Variants in MYRFL observed in about 807,000 individuals in gnomAD.
The protein encoded by MYRFL is myelin regulatory factor like.
Under a neutral mutation model 109.4 loss-of-function variants are expected in MYRFL, and 88 were observed. That is an observed-to-expected ratio of 0.80 (90% confidence interval 0.68 to 0.96). The LOEUF is 0.96. Among genes scored for constraint, MYRFL ranks in the 40% least tolerant of loss-of-function variants. The pLI, the probability that MYRFL is intolerant of heterozygous loss-of-function variation, is 0.00. For synonymous variants in MYRFL, 324 were observed against 320.9 expected (o/e 1.01, Z -0.10); for missense variants, 957 against 954.9 (o/e 1.00, Z -0.03).
intron 9 of MYRFL, 32 bp downstream of exon 9, chr12:69,895,513 G>T (rs1245663456): frequency 5.3e-6 from 8 of 1,517,780 alleles, no homozygotes; most frequent in Non-Finnish European, 7.1e-6. Context: ...TGGCAGTGTG[G>T]CTGGGTACTT....
intron 2 of MYRFL, among the ~76,000 whole-genome samples, chr12:69,857,621 A>G (rs1343574571): frequency 1.3e-5 from 2 of 151,478 alleles, no homozygotes; most frequent in African/African-American, 4.8e-5. Context: ...TAAATATTTC[A>G]TGTTCTTCTT....
intron 2 of MYRFL, among the ~76,000 whole-genome samples, chr12:69,877,023 C>CTTT (rs113649427): frequency 1.6e-5 from 2 of 128,922 alleles, no homozygotes; most frequent in African/African-American, 6.0e-5. Flanking sequence ...TTCTTTCTTT[C>CTTT]TTTTTTTTTT....
intron 1 of MYRFL, among the ~76,000 whole-genome samples, chr12:69,838,045 C>A (rs77316536): frequency 5.8e-4 from 88 of 152,304 alleles, no homozygotes; most frequent in African/African-American, 2.1e-3. Context: ...TATCCTGCAA[C>A]TGGCTAAAGA....
At chr12:69,851,105 A>T (rs1269702807) in intron 1 of MYRFL, among the ~76,000 whole-genome samples, 1 of 152,246 alleles carries the variant, frequency 6.6e-6, no homozygotes, top group South Asian at 2.1e-4. Flanking sequence ...TAACCATAAG[A>T]TAATAGGAGG....
chr12:69,831,357 ATAT>A (rs1882622249), intron 1 of MYRFL, among the ~76,000 whole-genome samples: 2 of 152,302 alleles, frequency 1.3e-5, no homozygotes, highest in African/African-American at 4.8e-5. Context: ...AAAACCTAAA[ATAT>A]TATCTGGCTC....
At position 69,904,080 on chromosome 12, in the gene MYRFL, A is replaced by G. The variant is rs1018835652; in HGVS notation, c.1383+236A>G. On this transcript the variant is annotated intron_variant, in intron 11 of 24. Transcript: ENST00000552032. ...GACAGGAGCAGTGGGCAAAGACAGC[A>G]TGTCATTGGCCTCACAGGCAGCAAG... 5 of 430,452 alleles carry G rather than the reference A, an allele frequency of 1.2e-5. No homozygotes were observed. In the Admixed American group the frequency reaches 1.9e-4, roughly 17 times the overall value. The allele number at this position is 430,452 out of a possible 1,614,324, so 26.7% of individuals were successfully genotyped here. A position where few individuals can be genotyped will look rare whatever the true frequency, so the allele number is the denominator to read the frequency against.
chr12:69,829,024 C>T (rs74101345), intron 1 of MYRFL, among the ~76,000 whole-genome samples: 2,233 of 152,034 alleles, frequency 0.015, 53 homozygotes, highest in African/African-American at 0.051. Flanking sequence ...CCAGATTGAG[C>T]AGAGTGGGGA....
At chr12:69,865,878 T>C (rs1884989590) in intron 2 of MYRFL, among the ~76,000 whole-genome samples, 1 of 152,222 alleles carries the variant, frequency 6.6e-6, no homozygotes, top group Non-Finnish European at 1.5e-5. Context: ...TTACTATTGC[T>C]GAGCATTTAC....
Position 69,910,991 on chromosome 12 carries a change from G to T in MYRFL, c.1602+61G>T, listed in dbSNP as rs1299734669. ...TCAGTCTAGGGATAAACCCCCTTCT[G>T]TGATAGCACAATGGGCTGAAACATC... is the stretch of plus-strand genomic sequence containing the variant. On this transcript the variant is annotated intron_variant, in intron 13 of 24. Transcript: ENST00000552032. 5 of 1,182,146 alleles carry T rather than the reference G, an allele frequency of 4.2e-6. No individual in the cohort carries two copies. In the South Asian group the frequency reaches 5.4e-5, roughly 13 times the overall value. 73.2% of individuals were successfully genotyped at this position (1,182,146 alleles called of 1,614,324 possible).
chr12:69,875,934 G>C (rs1375867482), intron 2 of MYRFL, among the ~76,000 whole-genome samples: 2 of 152,142 alleles, frequency 1.3e-5, no homozygotes, highest in Non-Finnish European at 2.9e-5. Context: ...TGTTTTAGTA[G>C]TCAATCACTT....
At chr12:69,871,764 A>AT (rs368615573) in intron 2 of MYRFL, among the ~76,000 whole-genome samples, 216 of 149,394 alleles carry the variant, frequency 1.4e-3, no homozygotes, top group Admixed American at 4.0e-3. Context: ...TATAATTTTC[A>AT]TTTTTTTTTG....
chr12:69,891,303 G>T (rs1886784902), intron 7 of MYRFL, 137 bp downstream of exon 7: 3 of 622,666 alleles, frequency 4.8e-6, no homozygotes, highest in Admixed American at 7.5e-5. Context: ...CTGCAACTGG[G>T]TCAGCGTGTG....
chr12:69,938,962 C>T (rs1955553147), intron 19 of MYRFL, among the ~76,000 whole-genome samples: 1 of 152,184 alleles, frequency 6.6e-6, no homozygotes, highest in Non-Finnish European at 1.5e-5. Flanking sequence ...GTCACTCCCA[C>T]CCGAATACTG....
At chr12:69,933,094 T>C (rs1056550931) in intron 16 of MYRFL, among the ~76,000 whole-genome samples, 1 of 152,212 alleles carries the variant, frequency 6.6e-6, no homozygotes, top group African/African-American at 2.4e-5. Context: ...AGATATACCA[T>C]GTGATGGAAT....
chr12:69,935,412 CTAAG>C (rs569982602), intron 16 of MYRFL, among the ~76,000 whole-genome samples: 1 of 152,148 alleles, frequency 6.6e-6, no homozygotes, highest in Non-Finnish European at 1.5e-5. Flanking sequence ...GAGGAGAACA[CTAAG>C]TATTTGGATG....
In MYRFL at chr12:69,879,397, C is replaced by CA; in HGVS notation, c.408_409insA (p.Ser137IlefsTer53). 1 of 702,916 alleles carries CA rather than the reference C, an allele frequency of 1.4e-6. No homozygotes were observed. The highest frequency in any genetic ancestry group is 2.6e-6 in the Non-Finnish European group (1 of 384,852). 43.5% of individuals were successfully genotyped at this position (702,916 alleles called of 1,614,324 possible). A position where few individuals can be genotyped will look rare whatever the true frequency, so the allele number is the denominator to read the frequency against. Reference sequence around the variant, plus strand: ...CCACCCCCCTGGACCAATCCGTGTCCTCCCATCTGGGGATAGGTTGTTCTT... The same window carrying CA: ...CCACCCCCCTGGACCAATCCGTGTCCATCCCATCTGGGGATAGGTTGTTCTT... On this transcript the variant is annotated frameshift_variant, in exon 4 of 25. Coordinates refer to ENST00000552032, the MANE Select transcript of MYRFL (RefSeq NM_182530.3). LOFTEE classifies it high-confidence loss of function.
intron 5 of MYRFL, among the ~76,000 whole-genome samples, chr12:69,880,958 T>TG (rs1448516212): frequency 6.8e-6 from 1 of 147,448 alleles, no homozygotes; most frequent in Admixed American, 6.8e-5. Context: ...CCTGTTTTTT[T>TG]TTTTTTTTTT....
intron 5 of MYRFL, among the ~76,000 whole-genome samples, chr12:69,882,940 T>G (rs1886221337): frequency 6.6e-6 from 1 of 152,242 alleles, no homozygotes. Flanking sequence ...CAGAGCCTTA[T>G]TTTTCTTGAT....
intron 10 of MYRFL, among the ~76,000 whole-genome samples, chr12:69,900,603 A>C (rs1954151239): frequency 6.6e-6 from 1 of 152,138 alleles, no homozygotes; most frequent in Admixed American, 6.5e-5. Context: ...GAGTATTTCT[A>C]GGTCCTTTTT....
Sources: allele counts gnomAD v4.1 joint callset (sites outside exome capture counted in the v4.1 genomes callset), GRCh38; gene constraint gnomAD v4.1.1; transcripts MANE v1.5; gene names NCBI Gene and HGNC (gene_info 2026-07-23, HGNC 2026-07-21).